Variants in CUL7 observed in about 807,000 individuals in gnomAD.
CUL7 encodes the protein cullin 7.
CUL7 carries 96 observed loss-of-function variants against 177.7 expected under a neutral mutation model. The observed-to-expected ratio is 0.54, with a 90% CI of 0.46 to 0.64. The LOEUF (loss-of-function observed/expected upper bound fraction) is 0.64. CUL7 is among the 30% of genes least tolerant of loss of function. CUL7 has a pLI of 0.00. For synonymous variants in CUL7, 824 were observed against 890.2 expected, an observed-to-expected ratio of 0.93 and a Z score of 1.32; for missense variants, 1,893 against 2,187.9, an observed-to-expected ratio of 0.87 and a Z score of 2.69.
intron 22 of CUL7, among the ~76,000 whole-genome samples, chr6:43,039,803 G>C (rs182821842): frequency 7.4e-6 from 1 of 135,130 alleles, no homozygotes; most frequent in Admixed American, 8.8e-5. Flanking sequence ...GCAGTGGCAC[G>C]ATCTCGGCTC....
At chr6:43,042,178 C>T (rs1209283466) in intron 19 of CUL7, among the ~76,000 whole-genome samples, 5 of 151,680 alleles carry the variant, frequency 3.3e-5, no homozygotes, top group African/African-American at 4.8e-5. Flanking sequence ...AAGACGGACA[C>T]AAGGAGGTAA....
chr6:43,048,183 T>A lies in CUL7; in HGVS notation c.2134A>T (p.Met712Leu). 6.2e-7 allele frequency: 1 copy of A among 1,613,810 alleles called. No homozygotes were observed. The change falls in exon 9 of 26, where the codon ATG (methionine) becomes TTG (leucine). Residue 712 changes from methionine (M) to leucine (L), a missense_variant. Physicochemically the swap from Met to Leu is conservative, Grantham distance 15. Coordinates refer to ENST00000265348, the MANE Select transcript of CUL7 (RefSeq NM_014780.5). Reference protein sequence around the residue: ...LPWHEAVDACMACLRSPNTDR... With the variant: ...LPWHEAVDACLACLRSPNTDR... Reference sequence around the variant, plus strand: ...GTGTTTGGGGACCGCAGGCAGGCCATGCAGGCATCCACGGCCTCGTGCCAG... The same window carrying A: ...GTGTTTGGGGACCGCAGGCAGGCCAAGCAGGCATCCACGGCCTCGTGCCAG...
rs1421442402 is a variant in CUL7 at position 43,038,893 on chromosome 6, C to G, written c.4389G>C (p.Leu1463=). The change falls in exon 23 of 26, where the codon CTG becomes CTC. Residue 1463 remains leucine, a synonymous_variant. Coordinates refer to ENST00000265348, the MANE Select transcript of CUL7 (RefSeq NM_014780.5). ...GCCACATCTGCACGGTGGACACATG[C>G]AGGGTCTGGTTCCCAAACTGCAGCT... The part of the protein sequence containing the change: ...WAELQFGNQT[L]HVSTVQMWLL... 1.2e-6 allele frequency: 2 copies of G among 1,614,222 alleles called. No homozygotes were observed. Among genetic ancestry groups the G allele is most frequent in the Admixed American group, 1.7e-5 (1 of 60,026 alleles).
In CUL7 at chr6:43,053,453, G is replaced by C. The variant is rs1444113610; in HGVS notation, c.-9+169C>G. Among the ~76,000 whole-genome samples the C allele has an allele frequency of 6.6e-6, 1 of 152,002 alleles. No homozygotes were observed. Among genetic ancestry groups the C allele is most frequent in the Non-Finnish European group, 1.5e-5 (1 of 67,976 alleles). On this transcript the variant is annotated intron_variant, in intron 1 of 25. Coordinates refer to ENST00000265348, the MANE Select transcript of CUL7 (RefSeq NM_014780.5). This position sits in a 1 kb window ranked among gnomAD's most constrained non-coding sequence, Gnocchi z 4.1. ...GAGGGGCTTGGGGACCGAGGTTGGA[G>C]ACTGGAGAAGCCAGGGGCGCGCGGT...
At chr6:43,048,871 C>T (rs1333939669) in intron 7 of CUL7, among the ~76,000 whole-genome samples, 1 of 151,822 alleles carries the variant, frequency 6.6e-6, no homozygotes, top group Non-Finnish European at 1.5e-5. Context: ...GGGTTCACGC[C>T]ATTCTCCTGC....
chr6:43,041,617 G>C (rs1469840665), intron 19 of CUL7, among the ~76,000 whole-genome samples: 1 of 148,444 alleles, frequency 6.7e-6, no homozygotes, highest in Non-Finnish European at 1.5e-5. Context: ...AGTAAAGAAA[G>C]AGAAAGAAAG....
chr6:43,051,662 C>A lies in CUL7; in HGVS notation c.682G>T (p.Ala228Ser), dbSNP rs1764423100. Residue 228 changes from alanine (A) to serine (S), a missense_variant, in exon 3 of 26, where the codon GCC (alanine) becomes TCC (serine). Around this residue, in one of 5 missense-constraint regions of CUL7, gnomAD observed 653 missense variants for 725.2 expected, o/e 0.90. Transcript: ENST00000265348. This position sits in a 1 kb window ranked among gnomAD's most constrained non-coding sequence, Gnocchi z 5.0. ...GACATGGGGTGTTCAGAGAGCGTGG[C>A]CTGTGCAAACAGTGCTAGCAGAGCA... is the stretch of plus-strand genomic sequence containing the variant. ...RCALLALFAQ[A>S]TLSEHPMSFE... 6.2e-7 allele frequency: 1 copy of A among 1,614,154 alleles called. No individual in the cohort carries two copies.
chr6:43,046,522 T>A lies in CUL7; in HGVS notation c.2477A>T (p.Tyr826Phe). 6.2e-7 allele frequency: 1 copy of A among 1,614,014 alleles called. No homozygotes were observed. Among genetic ancestry groups the A allele is most frequent in the Non-Finnish European group, 8.5e-7 (1 of 1,179,996 alleles). ...NIPFFDVFLR[Y>F]LCQGSSVEVK... ...CAACAGGCACGAACCCTGGCACAGG[T>A]ATCTGAGGAACACATCAAAGAAAGG... The change falls in exon 11 of 26, where the codon TAC becomes TTC. Residue 826 changes from tyrosine to phenylalanine, a missense_variant. Physicochemically the swap from Tyr to Phe is conservative, Grantham distance 22. This residue lies in a region of CUL7 where 973 missense variants were observed against 1,140.9 expected (regional missense o/e 0.85). Coordinates refer to ENST00000265348, the MANE Select transcript of CUL7 (RefSeq NM_014780.5).
rs1172032620 is a variant in CUL7 at position 43,046,331 on chromosome 6, C to T, written c.2565G>A (p.Lys855=). Residue 855 remains lysine, a synonymous_variant, in exon 12 of 26, where the codon AAG becomes AAA. Coordinates refer to ENST00000265348, the MANE Select transcript of CUL7 (RefSeq NM_014780.5). ...EVSSNPHRAS[K]LTDHNPKTYW... ...AGGTCTTGGGGTTGTGGTCCGTCAGCTTGCTGGCCCGGTGCGGGTTGGAGG... is the reference window on the plus strand; with the variant it reads ...AGGTCTTGGGGTTGTGGTCCGTCAGTTTGCTGGCCCGGTGCGGGTTGGAGG... 4 of 1,614,238 alleles carry T rather than the reference C, an allele frequency of 2.5e-6. No individual in the cohort carries two copies. The highest frequency in any genetic ancestry group is 2.2e-5 in the East Asian group (1 of 44,890).
chr6:43,038,508 C>G (rs1245880745), intron 24 of CUL7, 36 bp from the exon 25 acceptor site: 8 of 1,613,482 alleles, frequency 5.0e-6, no homozygotes, highest in Non-Finnish European at 6.8e-6. Context: ...CAGTGGAGAG[C>G]CCACGAGGAG....
At position 43,043,251 on chromosome 6, in the gene CUL7, G is replaced by C. The variant is rs534574855; in HGVS notation, c.3356-71C>G. 80 of 1,383,568 alleles carry C rather than the reference G, an allele frequency of 5.8e-5. No individual in the cohort carries two copies. The highest frequency in any genetic ancestry group is 9.0e-5 in the Admixed American group (5 of 55,640). 85.7% of individuals were successfully genotyped at this position (1,383,568 alleles called of 1,614,324 possible). ...TCCACTCCCAAGTCCCCATCCAAGG[G>C]GGTTCCCTGAGGCCTTTCCTGACAT... On this transcript the variant is annotated intron_variant, in intron 17 of 25. Coordinates refer to ENST00000265348, the MANE Select transcript of CUL7 (RefSeq NM_014780.5). This position sits in a 1 kb window ranked among gnomAD's most constrained non-coding sequence, Gnocchi z 4.2.
rs147713438 is a variant in CUL7 at position 43,045,318 on chromosome 6, G to A, written c.2947C>T (p.Arg983Cys). The change falls in exon 15 of 26, where the codon CGT (arginine) becomes TGT (cysteine). Residue 983 changes from arginine (R) to cysteine (C), a missense_variant. Arg to Cys is a radical substitution (Grantham distance 180). This residue lies in a region of CUL7 where 973 missense variants were observed against 1,140.9 expected (regional missense o/e 0.85). Transcript: ENST00000265348. The surrounding 1 kb of genome is among the most constrained non-coding windows in gnomAD (Gnocchi z 4.8). ...ACCATGTAGAAGAGGCGTGTGTGACGACAGAGCTGCTCCCGGAACACTGGC... is the reference window on the plus strand; with the variant it reads ...ACCATGTAGAAGAGGCGTGTGTGACAACAGAGCTGCTCCCGGAACACTGGC... ...FWPVFREQLC[R>C]HTRLFYMVRA... The A allele has an allele frequency of 1.5e-5, 25 of 1,614,086 alleles. No homozygotes were observed. Among genetic ancestry groups the A allele is most frequent in the African/African-American group, 1.3e-4 (10 of 74,912 alleles).
chr6:43,052,668 G>A lies in CUL7; in HGVS notation c.121C>T (p.Arg41Cys), dbSNP rs1351920968. 8.1e-6 allele frequency: 13 copies of A among 1,614,038 alleles called. No homozygotes were observed. The East Asian group carries it at 1.3e-4, about 17-fold the overall frequency. ...GHDGHPEYQI[R>C]WLILRRGDEG... The stretch of plus-strand genomic sequence containing the variant: ...TCGCCACGCCGCAGGATGAGCCAAC[G>A]GATCTGGTACTCAGGATGCCCATCA... Residue 41 changes from arginine (R) to cysteine (C), a missense_variant, in exon 2 of 26, where the codon CGT becomes TGT. Transcript: ENST00000265348. This position sits in a 1 kb window ranked among gnomAD's most constrained non-coding sequence, Gnocchi z 4.5.
rs1432044944 is a variant in CUL7 at position 43,053,318 on chromosome 6, C to G, written c.-9+304G>C. Among the ~76,000 whole-genome samples the G allele has an allele frequency of 6.6e-6, 1 of 152,010 alleles. No individual in the cohort carries two copies. Among genetic ancestry groups the G allele is most frequent in the African/African-American group, 2.4e-5 (1 of 41,378 alleles). The stretch of plus-strand genomic sequence containing the variant: ...GAGTGGGAGGGCAAGGCGCGATGGA[C>G]TAGGAGGAGGCACTGGTGGGTTGGA... On this transcript the variant is annotated intron_variant, in intron 1 of 25. Coordinates refer to ENST00000265348, the MANE Select transcript of CUL7 (RefSeq NM_014780.5). The surrounding 1 kb of genome is among the most constrained non-coding windows in gnomAD (Gnocchi z 4.1).
chr6:43,044,502 A>C (rs1335647620), intron 16 of CUL7, among the ~76,000 whole-genome samples: 2 of 152,002 alleles, frequency 1.3e-5, no homozygotes, highest in African/African-American at 4.8e-5. Context: ...TGTCTCAAAA[A>C]AAAAAAAAAG....
intron 7 of CUL7, among the ~76,000 whole-genome samples, 183 bp from the exon 8 acceptor site, chr6:43,048,752 A>G (rs1438740605): frequency 6.6e-6 from 1 of 152,000 alleles, no homozygotes; most frequent in Admixed American, 6.5e-5. Flanking sequence ...CAGCTTCATG[A>G]CAAATTTTAT....
At position 43,052,941 on chromosome 6, in the gene CUL7, G is replaced by T. The variant is rs1282508941; in HGVS notation, c.-8-145C>A. 11 of 816,408 alleles carry T rather than the reference G, an allele frequency of 1.3e-5. No homozygotes were observed. Among genetic ancestry groups the T allele is most frequent in the South Asian group, 1.2e-4 (8 of 65,812 alleles). The allele number at this position is 816,408 out of a possible 1,614,324, so 50.6% of individuals were successfully genotyped here. A position where few individuals can be genotyped will look rare whatever the true frequency, so the allele number is the denominator to read the frequency against. On this transcript the variant is annotated intron_variant, in intron 1 of 25. Coordinates refer to ENST00000265348, the MANE Select transcript of CUL7 (RefSeq NM_014780.5). The surrounding 1 kb of genome is among the most constrained non-coding windows in gnomAD (Gnocchi z 4.5). ...CAGGCCCAGGAGTTGCATGCTGCACGCTGGGTGGGGGCAGGCCTAAGCAGA... is the reference window on the plus strand; with the variant it reads ...CAGGCCCAGGAGTTGCATGCTGCACTCTGGGTGGGGGCAGGCCTAAGCAGA...
chr6:43,043,044 C>T lies in CUL7; in HGVS notation c.3462+30G>A, dbSNP rs368568197. On this transcript the variant is annotated intron_variant, in intron 18 of 25. Coordinates refer to ENST00000265348, the MANE Select transcript of CUL7 (RefSeq NM_014780.5). The surrounding 1 kb of genome is among the most constrained non-coding windows in gnomAD (Gnocchi z 4.2). ...CCAACATGCCACCATTATGGTGTCC[C>T]CTCTCTCCCGCAGGCCTGCTCCTGC... The T allele has an allele frequency of 1.4e-5, 23 of 1,612,524 alleles. No individual in the cohort carries two copies. The highest frequency in any genetic ancestry group is 1.8e-5 in the Non-Finnish European group (21 of 1,178,706).
rs151021564 is a variant in CUL7 at position 43,050,075 on chromosome 6, C to T, written c.1457G>A (p.Cys486Tyr). The change falls in exon 6 of 26, where the codon TGT becomes TAT. Residue 486 changes from cysteine (C) to tyrosine (Y), a missense_variant. Physicochemically the swap from Cys to Tyr is radical, Grantham distance 194. Around this residue, in one of 5 missense-constraint regions of CUL7, gnomAD observed 653 missense variants for 725.2 expected, o/e 0.90. Coordinates refer to ENST00000265348, the MANE Select transcript of CUL7 (RefSeq NM_014780.5). The surrounding 1 kb of genome is among the most constrained non-coding windows in gnomAD (Gnocchi z 4.1). ...VLPEDEDTEE[C>Y]EHLTLAEWWE... ...CCACTCAGCCAGGGTCAGGTGTTCA[C>T]ACTCCTCAGTGTCCTCATCCTCAGG... 1,561 of 1,614,214 alleles carry T rather than the reference C, an allele frequency of 9.7e-4. 3 individuals are homozygous for T. Among genetic ancestry groups the T allele is most frequent in the Non-Finnish European group, 1.1e-3 (1,337 of 1,180,040 alleles).
Sources: gnomAD v4.1 joint callset for allele counts (sites outside exome capture counted in the v4.1 genomes callset) on GRCh38, gnomAD v4.1.1 for gene constraint, gnomAD v4.1.1 regional missense constraint, Gnocchi (gnomAD v3.1) non-coding constraint, MANE v1.5 for transcripts, NCBI Gene and HGNC (gene_info 2026-07-23, HGNC 2026-07-21) for gene names.